KLF13: variants seen among roughly 807,000 people sequenced by gnomAD.
KLF13 encodes the protein KLF transcription factor 13.
A neutral mutation model predicts 16.7 loss-of-function variants in KLF13; 8 were observed. That is an observed-to-expected ratio of 0.48 (90% CI 0.28 to 0.87). The LOEUF (loss-of-function observed/expected upper bound fraction) is 0.87, where lower values mean the gene tolerates loss of function less well. Ranked by LOEUF, KLF13 falls within the 40% of genes least tolerant of loss-of-function variation. The pLI is 0.10. For synonymous variants in KLF13, 245 were observed against 208.4 expected, an observed-to-expected ratio of 1.18 and a Z score of -1.51; for missense variants, 447 against 452.2, an observed-to-expected ratio of 0.99 and a Z score of 0.10.
At chr15:31,427,350 C>CA (rs959536692) in intron 1 of KLF13, among the ~76,000 whole-genome samples, 1 of 151,916 alleles carries the variant, frequency 6.6e-6, no homozygotes, top group Non-Finnish European at 1.5e-5. Context: ...AAAAACAAAA[C>CA]AAAAAACAGA....
chr15:31,386,368 G>A (rs763056714), intron 1 of KLF13, among the ~76,000 whole-genome samples: 14 of 152,138 alleles, frequency 9.2e-5, no homozygotes, highest in South Asian at 4.1e-4. Context: ...GCGTGGTGGC[G>A]TGCACCTGTA....
At chr15:31,344,959 A>G (rs1443785885) in intron 1 of KLF13, among the ~76,000 whole-genome samples, 2 of 152,090 alleles carry the variant, frequency 1.3e-5, no homozygotes, top group Non-Finnish European at 2.9e-5. Context: ...TCTAGGTGCA[A>G]GCCAACCCTG....
At chr15:31,431,904 A>G (rs1233310264) in intron 1 of KLF13, among the ~76,000 whole-genome samples, 1 of 152,328 alleles carries the variant, frequency 6.6e-6, no homozygotes, top group African/African-American at 2.4e-5. Context: ...TATGTGGTCA[A>G]CTCTAAAGCA....
downstream of KLF13, among the ~76,000 whole-genome samples, chr15:31,406,402 G>A (rs144235762): frequency 2.0e-4 from 30 of 152,260 alleles, no homozygotes; most frequent in Non-Finnish European, 2.9e-4. Flanking sequence ...GCTTGAACCC[G>A]GGAGGCAGAA....
At chr15:31,405,075 A>G (rs1218426591), downstream of KLF13, among the ~76,000 whole-genome samples, 1 of 152,090 alleles carries the variant, frequency 6.6e-6, no homozygotes, top group Non-Finnish European at 1.5e-5. Context: ...GTTTCACCCC[A>G]CTGTGATGGT....
intron 1 of KLF13, among the ~76,000 whole-genome samples, chr15:31,355,010 C>A (rs1349244501): frequency 3.3e-5 from 5 of 152,246 alleles, no homozygotes; most frequent in Middle Eastern, 3.4e-3. Flanking sequence ...AGCCCTAAAA[C>A]CCCCGGGCTT....
intron 1 of KLF13, among the ~76,000 whole-genome samples, chr15:31,424,359 G>T (rs2040377504): frequency 6.6e-6 from 1 of 151,938 alleles, no homozygotes; most frequent in South Asian, 2.1e-4. Context: ...CACATTAAAA[G>T]GTTTATACAC....
chr15:31,366,729 C>CCTCACTTTGTGCCCCCCTGTG (rs1555376577), intron 1 of KLF13, among the ~76,000 whole-genome samples: 1 of 150,170 alleles, frequency 6.7e-6, no homozygotes, highest in African/African-American at 2.5e-5. Flanking sequence ...TGGCCCCTCA[C>CCTCACTTTGTGCCCCCCTGTG]CTCACTGTGT....
chr15:31,370,716 G>T (rs1311196287), intron 1 of KLF13, among the ~76,000 whole-genome samples: 1 of 152,190 alleles, frequency 6.6e-6, no homozygotes, highest in African/African-American at 2.4e-5. Context: ...ACCGCGCCTG[G>T]CCGTTTTTGC....
intron 1 of KLF13, among the ~76,000 whole-genome samples, chr15:31,368,010 C>T (rs542484353): frequency 6.6e-6 from 1 of 151,724 alleles, no homozygotes; most frequent in East Asian, 1.9e-4. Flanking sequence ...TTCCCCTGCC[C>T]CCTTTCTCCC....
chr15:31,423,112 C>CATATATATACGT (rs2040352460), intron 1 of KLF13, among the ~76,000 whole-genome samples: 1 of 115,820 alleles, frequency 8.6e-6, no homozygotes, highest in Non-Finnish European at 1.7e-5. Flanking sequence ...TATACGTATA[C>CATATATATACGT]GTATATATAC....
chr15:31,381,432 G>A (rs192474164), downstream of KLF13, among the ~76,000 whole-genome samples: 23 of 152,144 alleles, frequency 1.5e-4, no homozygotes, highest in East Asian at 3.5e-3. Flanking sequence ...TCAGAGTAGC[G>A]TCTCCTCTCT....
downstream of KLF13, among the ~76,000 whole-genome samples, chr15:31,381,457 C>T (rs1000336386): frequency 1.3e-5 from 2 of 152,148 alleles, no homozygotes; most frequent in African/African-American, 4.8e-5. Flanking sequence ...TCCTAATCTC[C>T]CTCTTATAAG....
intron 1 of KLF13, 108 bp from the exon 2 acceptor site, chr15:31,371,902 G>A: frequency 8.1e-7 from 1 of 1,236,092 alleles, no homozygotes; most frequent in Non-Finnish European, 1.1e-6. Flanking sequence ...GGGGCATGTG[G>A]GAGGGGTGTT....
At position 31,327,627 on chromosome 15, in the gene KLF13, C is replaced by G; in HGVS notation, c.415C>G (p.Pro139Ala). The G allele has an allele frequency of 7.3e-7, 1 of 1,362,894 alleles. No homozygotes were observed. The highest frequency in any genetic ancestry group is 1.6e-5 in the South Asian group (1 of 64,510). 84.4% of individuals were successfully genotyped at this position (1,362,894 alleles called of 1,614,324 possible). The change falls in exon 1 of 2, where the codon CCC (proline) becomes GCC (alanine). Residue 139 changes from proline (P) to alanine (A), a missense_variant. By Grantham distance (27) the Pro-to-Ala change is conservative. Transcript: ENST00000307145. ...AGLEPEREPG[P>A]AGSGEPGLRQ... is the part of the protein sequence containing the mutation. The stretch of plus-strand genomic sequence containing the variant: ...GCTGGAGCCCGAGCGGGAGCCGGGG[C>G]CCGCGGGGAGCGGCGAGCCCGGCCT...
chr15:31,375,565 GT>G lies in KLF13; in HGVS notation c.*3268del, dbSNP rs971247756. ...TGAAGGTTGCCTGAGTGAAGGGAGAGTTCCCCTATAAAAGGCCTAAAATTGA... is the reference window on the plus strand; with the variant it reads ...TGAAGGTTGCCTGAGTGAAGGGAGAGTCCCCTATAAAAGGCCTAAAATTGA... On this transcript the variant is annotated 3_prime_UTR_variant, in exon 2 of 2. Coordinates refer to ENST00000307145, the MANE Select transcript of KLF13 (RefSeq NM_015995.4). 2.6e-5 allele frequency: 4 copies of G among 152,148 alleles called. No homozygotes were observed. Among genetic ancestry groups the G allele is most frequent in the African/African-American group, 7.2e-5 (3 of 41,440 alleles). 9.4% of individuals were successfully genotyped at this position (152,148 alleles called of 1,614,324 possible). A position where few individuals can be genotyped will look rare whatever the true frequency, so the allele number is the denominator to read the frequency against.
chr15:31,327,202 C>T lies in KLF13; in HGVS notation c.-11C>T. The T allele has an allele frequency of 7.5e-7, 1 of 1,332,082 alleles. No individual in the cohort carries two copies. Among genetic ancestry groups the T allele is most frequent in the Admixed American group, 3.9e-5 (1 of 25,808 alleles). 82.5% of individuals were successfully genotyped at this position (1,332,082 alleles called of 1,614,324 possible). ...GCAGCAAGAGCACCGCCGCCGGCCC[C>T]AGCCCGCAGCATGGCAGCCGCCGCC... On this transcript the variant is annotated 5_prime_UTR_variant, in exon 1 of 2. Coordinates refer to ENST00000307145, the MANE Select transcript of KLF13 (RefSeq NM_015995.4).
At chr15:31,328,149 A>T (rs2038754713) in intron 1 of KLF13, among the ~76,000 whole-genome samples, 1 of 149,148 alleles carries the variant, frequency 6.7e-6, no homozygotes, top group South Asian at 2.1e-4. Context: ...TGTGGACCGC[A>T]GGCGGCACTC....
rs375735611 is a variant in KLF13 at position 31,402,136 on chromosome 15, G to A, written n.530-1292G>A. ...GTCCAGGACACAACCTCTGATCGAG[G>A]CTGTCAGGGGGCCCAAAGAAGGGCT... On this transcript the variant is annotated intron_variant and non_coding_transcript_variant, in intron 2 of 2. Coordinates refer to the KLF13 transcript ENST00000500533. 1.5e-4 allele frequency among the ~76,000 whole-genome samples: 23 copies of A among 152,366 alleles called. 2 individuals carry two copies. Among genetic ancestry groups the A allele is most frequent in the Admixed American group, 9.1e-4 (14 of 15,306 alleles).
Sources: allele counts gnomAD v4.1 joint callset (sites outside exome capture counted in the v4.1 genomes callset), GRCh38; gene constraint gnomAD v4.1.1; transcripts MANE v1.5; gene names NCBI Gene and HGNC (gene_info 2026-07-23, HGNC 2026-07-21).